The following RPSA2 variants were observed in gnomAD, a reference collection of about 807,000 sequenced individuals.
RPSA2 encodes the protein small ribosomal subunit protein uS2B.
At chr19:23,867,150 T>TA in the RPSA2 span, among the ~76,000 whole-genome samples, 39 of 151,458 alleles carry the variant, frequency 2.6e-4, no homozygotes, top group Admixed American at 1.3e-3. Context: ...TGGTACAAAT[T>TA]AAAAAAAAAT....
the RPSA2 span, among the ~76,000 whole-genome samples, chr19:23,815,917 G>A: frequency 6.6e-6 from 1 of 151,110 alleles, no homozygotes; most frequent in East Asian, 1.9e-4. Flanking sequence ...TGTAATATCA[G>A]TGTTTGTCTC....
At chr19:23,761,907 T>TC in the RPSA2 span, among the ~76,000 whole-genome samples, 5 of 31,756 alleles carry the variant, frequency 1.6e-4, 1 homozygote, top group East Asian at 1.8e-3. Context: ...CGTAATTCTT[T>TC]CTTTCTTTCT....
At chr19:23,841,292 G>C in the RPSA2 span, among the ~76,000 whole-genome samples, 1 of 151,890 alleles carries the variant, frequency 6.6e-6, no homozygotes, top group Non-Finnish European at 1.5e-5. Flanking sequence ...GTGAAACCCC[G>C]TCTCTACTAA....
At chr19:23,789,738 C>T in the RPSA2 span, among the ~76,000 whole-genome samples, 11 of 150,928 alleles carry the variant, frequency 7.3e-5, no homozygotes, top group Non-Finnish European at 1.5e-4. Context: ...GAGACAGAGT[C>T]TCGCTCTGTC....
the RPSA2 span, among the ~76,000 whole-genome samples, chr19:23,811,144 G>A: frequency 1.3e-5 from 2 of 151,486 alleles, no homozygotes; most frequent in East Asian, 2.0e-4. Context: ...TCAGCCTCCC[G>A]AGTAGCTGGG....
the RPSA2 span, among the ~76,000 whole-genome samples, chr19:23,837,553 G>A: frequency 2.6e-5 from 4 of 152,258 alleles, no homozygotes; most frequent in East Asian, 1.9e-4. Context: ...GCTTTTGGCA[G>A]TATGGTCATT....
chr19:23,803,161 A>C, the RPSA2 span, among the ~76,000 whole-genome samples: 1 of 151,594 alleles, frequency 6.6e-6, no homozygotes, highest in Non-Finnish European at 1.5e-5. Context: ...GTGGCACAAA[A>C]AACAGAATTT....
At chr19:23,813,715 A>AGCG in the RPSA2 span, among the ~76,000 whole-genome samples, 807 of 134,570 alleles carry the variant, frequency 6.0e-3, 6 homozygotes, top group Non-Finnish European at 8.3e-3. Context: ...TTCTACTGAC[A>AGCG]ATCAACACGG....
the RPSA2 span, among the ~76,000 whole-genome samples, chr19:23,813,378 C>T: frequency 6.6e-6 from 1 of 152,122 alleles, no homozygotes; most frequent in African/African-American, 2.4e-5. Context: ...CTCTCTCCAT[C>T]CCTTAACAAA....
chr19:23,761,931 T>TCTTTCTCTCTCTCTCTCTCTCTC, the RPSA2 span, among the ~76,000 whole-genome samples: 9 of 61,716 alleles, frequency 1.5e-4, no homozygotes, highest in African/African-American at 2.2e-4. Flanking sequence ...TTTTTTTTTT[T>TCTTTCTCTCTCTCTCTCTCTCTC]TTTTGAGATG....
At chr19:23,846,372 A>G in the RPSA2 span, among the ~76,000 whole-genome samples, 1 of 151,284 alleles carries the variant, frequency 6.6e-6, no homozygotes. Context: ...GCCTTGTTTT[A>G]TTTTTTCTTT....
the RPSA2 span, among the ~76,000 whole-genome samples, chr19:23,847,094 A>C: frequency 6.6e-6 from 1 of 152,100 alleles, no homozygotes; most frequent in East Asian, 1.9e-4. Flanking sequence ...TTATTTTAAA[A>C]GACCTGTTTA....
chr19:23,832,133 T>A, the RPSA2 span: 2 of 419,906 alleles, frequency 4.8e-6, no homozygotes, highest in Non-Finnish European at 4.8e-6. Flanking sequence ...GAAGAAAAAC[T>A]TTACAGATGT....
At chr19:23,855,977 G>T in the RPSA2 span, among the ~76,000 whole-genome samples, 1 of 152,136 alleles carries the variant, frequency 6.6e-6, no homozygotes, top group South Asian at 2.1e-4. Flanking sequence ...ACAAGTATTG[G>T]TTCTTCATGA....
chr19:23,851,018 G>T, the RPSA2 span, among the ~76,000 whole-genome samples: 1 of 152,156 alleles, frequency 6.6e-6, no homozygotes, highest in Non-Finnish European at 1.5e-5. Flanking sequence ...ATATCCAGGG[G>T]CATTGTCTGT....
the RPSA2 span, among the ~76,000 whole-genome samples, chr19:23,787,151 C>T: frequency 1.3e-5 from 2 of 152,004 alleles, no homozygotes; most frequent in African/African-American, 4.8e-5. Context: ...TTAGGTTTTG[C>T]CTTCAGATGA....
the RPSA2 span, among the ~76,000 whole-genome samples, chr19:23,820,694 C>CT: frequency 2.6e-5 from 4 of 152,070 alleles, no homozygotes; most frequent in Admixed American, 2.0e-4. Context: ...AGTTAAAACT[C>CT]CTCCTTATAT....
chr19:23,791,426 C>G, the RPSA2 span, among the ~76,000 whole-genome samples: 2 of 152,302 alleles, frequency 1.3e-5, no homozygotes, highest in South Asian at 2.1e-4. Flanking sequence ...CCAAAAAATG[C>G]TCTTGAGTTT....
the RPSA2 span, among the ~76,000 whole-genome samples, chr19:23,854,338 AC>A: frequency 6.6e-6 from 1 of 152,234 alleles, no homozygotes; most frequent in African/African-American, 2.4e-5. Context: ...GAGGAATGGT[AC>A]TACAGAGATC....
Sources: gnomAD v4.1 joint callset for allele counts (sites outside exome capture counted in the v4.1 genomes callset) on GRCh38, gnomAD v4.1.1 for gene constraint, MANE v1.5 for transcripts, NCBI Gene and HGNC (gene_info 2026-07-23, HGNC 2026-07-21) for gene names.